The following ANKFN1 variants were observed in gnomAD, a reference collection of about 807,000 sequenced individuals.
ANKFN1 encodes the protein ankyrin repeat and fibronectin type III domain containing 1.
Under a neutral mutation model 108.7 loss-of-function variants are expected in ANKFN1, and 74 were observed. The ratio of observed to expected loss-of-function variants is 0.68; its 90% CI spans 0.56 to 0.83. The LOEUF is 0.83. ANKFN1 is among the 40% of genes least tolerant of loss of function. The pLI is 0.00. For synonymous variants in ANKFN1, 547 were observed against 516.2 expected (o/e 1.06, Z -0.81); for missense variants, 1,505 against 1,382.3 (o/e 1.09, Z -1.41).
intron 4 of ANKFN1, among the ~76,000 whole-genome samples, chr17:56,122,197 C>T (rs544486030): frequency 1.3e-5 from 2 of 152,266 alleles, no homozygotes; most frequent in African/African-American, 4.8e-5. Context: ...GATATATTCT[C>T]AGTAAAATAT....
chr17:56,468,955 T>C (rs900314069), intron 15 of ANKFN1, among the ~76,000 whole-genome samples: 8 of 152,200 alleles, frequency 5.3e-5, no homozygotes, highest in African/African-American at 1.7e-4. Flanking sequence ...GGGTGACTAA[T>C]ACACTAATCC....
At chr17:56,151,846 C>A (rs977387121), upstream of ANKFN1, among the ~76,000 whole-genome samples, 1 of 152,182 alleles carries the variant, frequency 6.6e-6, no homozygotes, top group African/African-American at 2.4e-5. Context: ...AGATACTATA[C>A]CTTCACCTTG....
chr17:56,310,453 T>TA (rs1382956168), intron 3 of ANKFN1, among the ~76,000 whole-genome samples: 7 of 151,744 alleles, frequency 4.6e-5, no homozygotes, highest in Non-Finnish European at 1.0e-4. Flanking sequence ...CCATCTCCAC[T>TA]AAAAATACAA....
At chr17:56,417,658 G>C (rs1435575611) in intron 8 of ANKFN1, among the ~76,000 whole-genome samples, 1 of 152,198 alleles carries the variant, frequency 6.6e-6, no homozygotes, top group Non-Finnish European at 1.5e-5. Context: ...CAGTCACCCA[G>C]TGTGCAGGAG....
In ANKFN1 at chr17:56,196,145, G is replaced by A. The variant is rs375979828; in HGVS notation, c.-70-16453G>A. Reference sequence around the variant, plus strand: ...TAACCAAGTATGGTGGCTCGTGCCTGTAGTCCCAGCTACTTGGGAGGATTG... The same window carrying A: ...TAACCAAGTATGGTGGCTCGTGCCTATAGTCCCAGCTACTTGGGAGGATTG... On this transcript the variant is annotated intron_variant, in intron 1 of 20. Coordinates refer to ENST00000682825, the MANE Select transcript of ANKFN1 (RefSeq NM_001370326.1). Among the ~76,000 whole-genome samples, 106 of 152,184 alleles carry A rather than the reference G, an allele frequency of 7.0e-4. 1 individual carries two copies. The South Asian group carries it at 0.021, about 30-fold the overall frequency.
Position 56,511,351 on chromosome 17 carries a change from G to T in ANKFN1, c.*82G>T. The T allele has an allele frequency of 2.3e-6, 3 of 1,291,138 alleles. No homozygotes were observed. Among genetic ancestry groups the T allele is most frequent in the Non-Finnish European group, 3.1e-6 (3 of 967,176 alleles). The allele number at this position is 1,291,138 out of a possible 1,614,324, so 80.0% of individuals were successfully genotyped here. ...CCTTACCCCCATCCTGCCCCACTGTGTACCCACTCATTTTCAAGCGTTTTG... is the reference window on the plus strand; with the variant it reads ...CCTTACCCCCATCCTGCCCCACTGTTTACCCACTCATTTTCAAGCGTTTTG... On this transcript the variant is annotated 3_prime_UTR_variant, in exon 21 of 21. Transcript: ENST00000682825.
At chr17:56,147,874 GT>G (rs2143424577) in intron 4 of ANKFN1, among the ~76,000 whole-genome samples, 1 of 152,294 alleles carries the variant, frequency 6.6e-6, no homozygotes, top group African/African-American at 2.4e-5. Flanking sequence ...ATCTCAACCT[GT>G]TAGCTACAAC....
At chr17:56,408,925 AT>A (rs551085325) in intron 8 of ANKFN1, among the ~76,000 whole-genome samples, 4,551 of 142,840 alleles carry the variant, frequency 0.032, 153 homozygotes, top group African/African-American at 0.088. Flanking sequence ...TGCTTTTAAG[AT>A]TTTTTTTTTT....
chr17:56,252,512 C>T (rs1031234359), intron 3 of ANKFN1, among the ~76,000 whole-genome samples: 1 of 152,108 alleles, frequency 6.6e-6, no homozygotes, highest in Admixed American at 6.6e-5. Context: ...TGGTGGCTCA[C>T]ACATGTAATC....
chr17:56,132,023 A>G (rs1907314117), intron 4 of ANKFN1, among the ~76,000 whole-genome samples: 1 of 152,206 alleles, frequency 6.6e-6, no homozygotes, highest in African/African-American at 2.4e-5. Flanking sequence ...ATTCCTTTCA[A>G]TGTAAGAATT....
chr17:56,229,024 A>T (rs987775728), intron 3 of ANKFN1, among the ~76,000 whole-genome samples: 2 of 152,116 alleles, frequency 1.3e-5, no homozygotes, highest in African/African-American at 4.8e-5. Context: ...GGAGAAACTT[A>T]GTTTTTACTG....
chr17:56,181,647 T>C (rs774031083), intron 1 of ANKFN1, among the ~76,000 whole-genome samples: 54 of 152,238 alleles, frequency 3.5e-4, no homozygotes, highest in Non-Finnish European at 6.6e-4. Flanking sequence ...TATTGCCTAT[T>C]GTTTTCTTTC....
intron 3 of ANKFN1, among the ~76,000 whole-genome samples, chr17:56,277,764 TA>T (rs1485433330): frequency 6.6e-5 from 10 of 152,212 alleles, no homozygotes; most frequent in Non-Finnish European, 1.3e-4. Flanking sequence ...ATCATATTTT[TA>T]GCCCCAAATT....
intron 20 of ANKFN1, among the ~76,000 whole-genome samples, chr17:56,503,317 A>G (rs2051436529): frequency 6.6e-6 from 1 of 151,918 alleles, no homozygotes; most frequent in Admixed American, 6.6e-5. Flanking sequence ...ACAGCTCAAA[A>G]AAATCAACAA....
At chr17:56,165,623 C>T (rs1910071551) in intron 1 of ANKFN1, among the ~76,000 whole-genome samples, 1 of 152,062 alleles carries the variant, frequency 6.6e-6, no homozygotes, top group South Asian at 2.1e-4. Flanking sequence ...GTCATATAGA[C>T]CAAACGTTCA....
Position 56,511,114 on chromosome 17 carries a change from G to C in ANKFN1, c.3286G>C (p.Ala1096Pro), listed in dbSNP as rs1413858778. 1 of 1,535,872 alleles carries C rather than the reference G, an allele frequency of 6.5e-7. No homozygotes were observed. Among genetic ancestry groups the C allele is most frequent in the Non-Finnish European group, 8.7e-7 (1 of 1,146,858 alleles). ...SVRRLYVEPY[A>P]AAVVAQDEKP... Reference sequence around the variant, plus strand: ...CCGCCGCCTCTACGTGGAGCCCTACGCAGCGGCCGTGGTGGCCCAGGACGA... The same window carrying C: ...CCGCCGCCTCTACGTGGAGCCCTACCCAGCGGCCGTGGTGGCCCAGGACGA... The change falls in exon 21 of 21, where the codon GCA becomes CCA. Residue 1096 changes from alanine (A) to proline (P), a missense_variant. Coordinates refer to ENST00000682825, the MANE Select transcript of ANKFN1 (RefSeq NM_001370326.1).
intron 3 of ANKFN1, among the ~76,000 whole-genome samples, chr17:56,272,076 C>T (rs1370200785): frequency 2.6e-5 from 4 of 152,158 alleles, no homozygotes; most frequent in Admixed American, 1.3e-4. Flanking sequence ...TATTAGAACA[C>T]CTGTCCTAAT....
chr17:56,151,091 A>T (rs62072974), upstream of ANKFN1, among the ~76,000 whole-genome samples: 20,345 of 152,070 alleles, frequency 0.13, 1,526 homozygotes, highest in East Asian at 0.28. Context: ...CTAAGAGTGT[A>T]GTCCCATCTC....
chr17:56,308,524 A>T (rs2144418364), intron 3 of ANKFN1, among the ~76,000 whole-genome samples: 1 of 151,986 alleles, frequency 6.6e-6, no homozygotes, highest in Non-Finnish European at 1.5e-5. Flanking sequence ...CATGCCAGTG[A>T]TTTTTTTCTA....
Sources: gnomAD v4.1 joint callset for allele counts (sites outside exome capture counted in the v4.1 genomes callset) on GRCh38, gnomAD v4.1.1 for gene constraint, MANE v1.5 for transcripts, NCBI Gene and HGNC (gene_info 2026-07-23, HGNC 2026-07-21) for gene names.